Variants in ANKUB1 observed in about 807,000 individuals in gnomAD.
The protein encoded by ANKUB1 is protein ANKUB1.
Under a neutral mutation model 49.3 loss-of-function variants are expected in ANKUB1, and 42 were observed. The ratio of observed to expected loss-of-function variants is 0.85; its 90% CI spans 0.67 to 1.10. ANKUB1 has a LOEUF of 1.10. ANKUB1 is among the 50% of genes least tolerant of loss of function. ANKUB1 has a pLI of 0.00. For synonymous variants in ANKUB1, 222 were observed against 231.0 expected, an observed-to-expected ratio of 0.96 and a Z score of 0.35; for missense variants, 613 against 642.0, an observed-to-expected ratio of 0.95 and a Z score of 0.49.
At chr3:149,775,561 C>A (rs544733147) in intron 3 of ANKUB1, among the ~76,000 whole-genome samples, 13 of 152,248 alleles carry the variant, frequency 8.5e-5, no homozygotes, top group African/African-American at 3.1e-4. Context: ...ATTTCAGGAT[C>A]TGAGCTGACA....
At position 149,790,856 on chromosome 3, in the gene ANKUB1, T is replaced by G; in HGVS notation, c.159A>C (p.Gly53=). Residue 53 remains glycine, a synonymous_variant, in exon 2 of 6, where the codon GGA becomes GGC. Transcript: ENST00000446160. ...GRRYLELMYA[G]AALKDSWSLA... ...GACTCCAACTGTCCTTTAGAGCAGC[T>G]CCAGCATACATTAACTCCAGATACC... 6.4e-7 allele frequency: 1 copy of G among 1,552,202 alleles called. No homozygotes were observed.
rs1178028112 is a variant in ANKUB1, at chr3:149,780,237, A to G, written c.451+2T>C. 1 of 1,551,392 alleles carries G rather than the reference A, an allele frequency of 6.4e-7. No homozygotes were observed. The highest frequency in any genetic ancestry group is 8.7e-7 in the Non-Finnish European group (1 of 1,146,668). On this transcript the variant is annotated splice_donor_variant, in intron 3 of 5. Coordinates refer to ENST00000446160, the MANE Select transcript of ANKUB1 (RefSeq NM_001144960.3). LOFTEE classifies it high-confidence loss of function. Reference sequence around the variant, plus strand: ...GCTGATATCAAATATACTGGGCAGTACCAATATCAGTCTGGTAGTCCTTGA... The same window carrying G: ...GCTGATATCAAATATACTGGGCAGTGCCAATATCAGTCTGGTAGTCCTTGA...
chr3:149,772,720 C>T (rs1202202412), intron 3 of ANKUB1, among the ~76,000 whole-genome samples: 2 of 152,188 alleles, frequency 1.3e-5, no homozygotes, highest in Non-Finnish European at 2.9e-5. Context: ...GCCACTGTGC[C>T]TGCTTTCCAC....
At chr3:149,780,934 G>A (rs904921167) in intron 2 of ANKUB1, among the ~76,000 whole-genome samples, 4 of 150,870 alleles carry the variant, frequency 2.7e-5, no homozygotes, top group Non-Finnish European at 4.4e-5. Context: ...TTCATTGTCC[G>A]TATGGTTTGA....
In ANKUB1 at chr3:149,790,678, GAC is replaced by G. The variant is rs1325580824; in HGVS notation, c.234+101_234+102del. ...TGGAAGTGAGGAGAAGGCAAAAAGA[GAC>G]AATTTCTTTTTAAGTTATGGAATTA... On this transcript the variant is annotated intron_variant, in intron 2 of 5. Transcript: ENST00000446160. 8.0e-5 allele frequency: 96 copies of G among 1,196,942 alleles called. No individual in the cohort carries two copies. The East Asian group carries it at 2.5e-3, about 31-fold the overall frequency. The allele number at this position is 1,196,942 out of a possible 1,614,324, so 74.1% of individuals were successfully genotyped here.
At chr3:149,762,648 C>G (rs1241497005) in intron 5 of ANKUB1, among the ~76,000 whole-genome samples, 1 of 152,186 alleles carries the variant, frequency 6.6e-6, no homozygotes, top group Admixed American at 6.5e-5. Flanking sequence ...CCATACATCT[C>G]TATCAGATTT....
At chr3:149,792,235 A>G in intron 1 of ANKUB1, 42 bp downstream of exon 1, 1 of 1,387,296 alleles carries the variant, frequency 7.2e-7, no homozygotes, top group South Asian at 1.5e-5. Context: ...TGCATTGTTA[A>G]AATTAATATA....
chr3:149,764,969 G>C (rs886281895), intron 5 of ANKUB1, among the ~76,000 whole-genome samples: 2 of 152,028 alleles, frequency 1.3e-5, no homozygotes, highest in Non-Finnish European at 2.9e-5. Flanking sequence ...CCTTGGTATA[G>C]AGTCAAGAGA....
At chr3:149,789,386 C>A (rs748487066) in intron 2 of ANKUB1, among the ~76,000 whole-genome samples, 1 of 151,828 alleles carries the variant, frequency 6.6e-6, no homozygotes, top group African/African-American at 2.4e-5. Context: ...TGATCCTGTA[C>A]GGCACCAAAA....
chr3:149,783,194 G>A (rs1717944475), intron 2 of ANKUB1: 1 of 152,150 alleles, frequency 6.6e-6, no homozygotes, highest in African/African-American at 2.4e-5. Context: ...GTAGGTAGAT[G>A]CCAATTAATA....
intron 2 of ANKUB1, chr3:149,783,015 T>C (rs1490331313): frequency 6.6e-6 from 1 of 152,134 alleles, no homozygotes; most frequent in African/African-American, 2.4e-5. Context: ...TTGAATGACA[T>C]CCCAGGCCTT....
intron 2 of ANKUB1, among the ~76,000 whole-genome samples, chr3:149,786,691 C>G (rs566834829): frequency 6.6e-6 from 1 of 152,308 alleles, no homozygotes; most frequent in African/African-American, 2.4e-5. Context: ...CCTAGGTTTT[C>G]TTCTAGTGTT....
At position 149,767,183 on chromosome 3, in the gene ANKUB1, G is replaced by A. The variant is rs75077284; in HGVS notation, c.1479C>T (p.Asn493=). 0.049 allele frequency: 75,282 copies of A among 1,532,604 alleles called. 2,069 individuals carry two copies. The highest frequency in any genetic ancestry group is 0.058 in the Non-Finnish European group (65,590 of 1,140,274). 94.9% of individuals were successfully genotyped at this position (1,532,604 alleles called of 1,614,324 possible). A position where few individuals can be genotyped will look rare whatever the true frequency, so the allele number is the denominator to read the frequency against. ...LEHSGKTPWE[N]AIYCLAVASA... Reference sequence around the variant, plus strand: ...TTGCCACAGCTAAGCAGTAGATTGCGTTCTCCCATGGAGTCTTCCCACTGT... The same window carrying A: ...TTGCCACAGCTAAGCAGTAGATTGCATTCTCCCATGGAGTCTTCCCACTGT... Residue 493 remains asparagine (N), a synonymous_variant, in exon 5 of 6, where the codon AAC becomes AAT. Transcript: ENST00000446160.
At chr3:149,772,136 T>A (rs1717394338) in intron 3 of ANKUB1, among the ~76,000 whole-genome samples, 1 of 151,746 alleles carries the variant, frequency 6.6e-6, no homozygotes. Flanking sequence ...GTGATTCTCC[T>A]GCCTCACCCT....
chr3:149,766,892 A>G, intron 5 of ANKUB1: 1 of 1,093,228 alleles, frequency 9.1e-7, no homozygotes, highest in Non-Finnish European at 1.3e-6. Flanking sequence ...AGGGACCTTG[A>G]GAATTGATAC....
At chr3:149,787,247 G>T (rs1490527490) in intron 2 of ANKUB1, among the ~76,000 whole-genome samples, 1 of 151,832 alleles carries the variant, frequency 6.6e-6, no homozygotes. Flanking sequence ...CTTTTATTTC[G>T]TTGAGCAGTG....
chr3:149,764,085 A>G (rs1192840788), intron 5 of ANKUB1: 4 of 454,174 alleles, frequency 8.8e-6, no homozygotes, highest in South Asian at 6.2e-5. Flanking sequence ...TTTCCTGGCT[A>G]TGACACTAGC....
At chr3:149,771,460 T>G (rs1717356339) in intron 3 of ANKUB1, among the ~76,000 whole-genome samples, 1 of 152,232 alleles carries the variant, frequency 6.6e-6, no homozygotes, top group Admixed American at 6.5e-5. Context: ...TTACAATTTT[T>G]TGATTGAAAG....
intron 2 of ANKUB1, among the ~76,000 whole-genome samples, chr3:149,787,452 G>A (rs1718157712): frequency 6.6e-6 from 1 of 152,140 alleles, no homozygotes; most frequent in Non-Finnish European, 1.5e-5. Context: ...TTGCTTATTA[G>A]CTTAAGGAGA....
Sources: allele counts gnomAD v4.1 joint callset (sites outside exome capture counted in the v4.1 genomes callset), GRCh38; gene constraint gnomAD v4.1.1; transcripts MANE v1.5; gene names NCBI Gene and HGNC (gene_info 2026-07-23, HGNC 2026-07-21).